GSE1: variants seen among roughly 807,000 people sequenced by gnomAD.
GSE1 encodes the protein genetic suppressor element 1.
In GSE1, 32 loss-of-function variants were observed where a neutral mutation model predicts 112.6. That is an observed-to-expected ratio of 0.28 (90% confidence interval 0.21 to 0.38). GSE1 has a LOEUF of 0.38. Ranked by LOEUF, GSE1 falls within the 10% of genes least tolerant of loss-of-function variation. The pLI, the probability that GSE1 is intolerant of heterozygous loss-of-function variation, is 1.00. For missense variants in GSE1, 2,348 were observed against 1,699.2 expected, an observed-to-expected ratio of 1.38 and a Z score of -6.71; for synonymous variants, 1,115 against 735.6, an observed-to-expected ratio of 1.52 and a Z score of -8.35.
chr16:85,663,439 A>T lies in GSE1; in HGVS notation c.2469A>T (p.Arg823=). 1.2e-6 allele frequency: 2 copies of T among 1,613,910 alleles called. No homozygotes were observed. Among genetic ancestry groups the T allele is most frequent in the South Asian group, 1.1e-5 (1 of 91,078 alleles). Residue 823 remains arginine (R), a synonymous_variant, in exon 11 of 16, where the codon CGA becomes CGT. Transcript: ENST00000253458. The stretch of plus-strand genomic sequence containing the variant: ...GGAGGAAGCGGCGGAGGATGCTGCG[A>T]GAGAGAAGCCCGTCGCCCCCAACAA... ...QKRRKRRRML[R]ERSPSPPTIQ... is the part of the protein sequence containing the mutation.
chr16:85,548,804 T>C (rs931150281), intron 2 of GSE1, among the ~76,000 whole-genome samples: 1 of 152,114 alleles, frequency 6.6e-6, no homozygotes, highest in Non-Finnish European at 1.5e-5. Flanking sequence ...ATTCTTTTTT[T>C]GTTGGAGACG....
chr16:85,672,122 C>A (rs550161320), intron 15 of GSE1: 21 of 346,482 alleles, frequency 6.1e-5, no homozygotes, highest in Non-Finnish European at 9.1e-5. Flanking sequence ...CCTCAGCCTC[C>A]CGAGTAGCTA....
chr16:85,491,137 G>A lies in GSE1; in HGVS notation c.2464+133494G>A, dbSNP rs72799002. ...GCAGGGGGCGGCACCAGAGCAGATG[G>A]AAAGAGCTTTTGAGCCTTCTCAGCT... On this transcript the variant is annotated intron_variant, in intron 2 of 2. Transcript: ENST00000637419. Among the ~76,000 whole-genome samples the A allele has an allele frequency of 8.3e-3, 1,270 of 152,316 alleles. 10 individuals are homozygous for A. Among genetic ancestry groups the A allele is most frequent in the Non-Finnish European group, 0.012 (845 of 68,012 alleles).
At chr16:85,626,240 GA>G (rs1205225641) in intron 1 of GSE1, among the ~76,000 whole-genome samples, 1 of 152,128 alleles carries the variant, frequency 6.6e-6, no homozygotes, top group African/African-American at 2.4e-5. Context: ...CCACCCCCAA[GA>G]AAAATTGCTT....
intron 1 of GSE1, among the ~76,000 whole-genome samples, chr16:85,297,115 C>A (rs1393666423): frequency 1.3e-5 from 2 of 152,240 alleles, no homozygotes; most frequent in African/African-American, 4.8e-5. Context: ...GCCAGTGAAT[C>A]CTGCTGCCCG....
rs2052727264 is a variant in GSE1 at position 85,665,063 on chromosome 16, T to C, written c.2693T>C (p.Leu898Pro). The C allele has an allele frequency of 3.7e-6, 6 of 1,613,078 alleles. No homozygotes were observed. The highest frequency in any genetic ancestry group is 3.4e-6 in the Non-Finnish European group (4 of 1,179,342). ...EMLRAMKQKA[L>P]SAAVADSLTN... is the part of the protein sequence containing the mutation. ...CTCCGTGCCATGAAGCAGAAGGCAC[T>C]GTCAGCAGCAGTGGCCGACTCCTTG... The change falls in exon 12 of 16, where the codon CTG (leucine) becomes CCG (proline). Residue 898 changes from leucine to proline, a missense_variant. Coordinates refer to ENST00000253458, the MANE Select transcript of GSE1 (RefSeq NM_014615.5).
chr16:85,457,691 T>C (rs980783289), intron 2 of GSE1, among the ~76,000 whole-genome samples: 1 of 152,152 alleles, frequency 6.6e-6, no homozygotes, highest in Non-Finnish European at 1.5e-5. Context: ...TGGGGGTGAT[T>C]GCACCCCCAC....
chr16:85,467,208 C>T (rs899813198), intron 2 of GSE1, among the ~76,000 whole-genome samples: 1 of 152,072 alleles, frequency 6.6e-6, no homozygotes, highest in Non-Finnish European at 1.5e-5. Flanking sequence ...CCATAAGGAG[C>T]GAGGGGCCGG....
At chr16:85,341,932 T>C (rs1446050169) in intron 1 of GSE1, among the ~76,000 whole-genome samples, 1 of 152,062 alleles carries the variant, frequency 6.6e-6, no homozygotes, top group East Asian at 1.9e-4. Context: ...CCCTGGGCCT[T>C]TGGGGATGCT....
intron 2 of GSE1, among the ~76,000 whole-genome samples, chr16:85,385,200 G>T (rs1196843224): frequency 6.6e-6 from 1 of 152,232 alleles, no homozygotes; most frequent in Non-Finnish European, 1.5e-5. Flanking sequence ...GGTGTTTTGG[G>T]GTGGGTGCCT....
At position 85,525,640 on chromosome 16, in the gene GSE1, C is replaced by T. The variant is rs558830566; in HGVS notation, c.2465-108274C>T. On this transcript the variant is annotated intron_variant, in intron 2 of 2. Transcript: ENST00000637419. ...ACAGAGCCCAGACTACAGAGTTACC[C>T]GCCTTTAGGGGGCTCCATTTGTCCC... is the stretch of plus-strand genomic sequence containing the variant. Among the ~76,000 whole-genome samples the T allele has an allele frequency of 9.2e-5, 14 of 152,334 alleles. 1 individual carries two copies. In the South Asian group the frequency reaches 1.2e-3, roughly 14 times the overall value.
At chr16:85,543,363 T>C (rs1340625664) in intron 2 of GSE1, among the ~76,000 whole-genome samples, 1 of 152,194 alleles carries the variant, frequency 6.6e-6, no homozygotes, top group Admixed American at 6.5e-5. Context: ...GTGTGAATGA[T>C]TAATAGTAGA....
intron 1 of GSE1, among the ~76,000 whole-genome samples, chr16:85,331,255 C>T (rs1011092766): frequency 8.0e-5 from 12 of 149,710 alleles, no homozygotes; most frequent in Non-Finnish European, 3.0e-5. Flanking sequence ...CGAGTTCAAG[C>T]GATTCTCCTG....
At chr16:85,172,409 C>T (rs1176311408) in intron 1 of GSE1, among the ~76,000 whole-genome samples, 1 of 152,232 alleles carries the variant, frequency 6.6e-6, no homozygotes, top group Non-Finnish European at 1.5e-5. Flanking sequence ...TTTCCCCCAG[C>T]GGGAAGAGAG....
At chr16:85,179,671 C>T (rs1350428882) in intron 1 of GSE1, among the ~76,000 whole-genome samples, 1 of 152,220 alleles carries the variant, frequency 6.6e-6, no homozygotes, top group Non-Finnish European at 1.5e-5. Context: ...CTTCTGCCTG[C>T]AGTCCATCCT....
chr16:85,197,424 C>T (rs1327722398), intron 1 of GSE1, among the ~76,000 whole-genome samples: 1 of 152,206 alleles, frequency 6.6e-6, no homozygotes, highest in African/African-American at 2.4e-5. Context: ...TGGTTTTTTG[C>T]TTACAGCGTC....
At chr16:85,209,374 G>A (rs2075183344) in intron 1 of GSE1, among the ~76,000 whole-genome samples, 1 of 152,164 alleles carries the variant, frequency 6.6e-6, no homozygotes, top group Non-Finnish European at 1.5e-5. Context: ...CTGGCTGTCA[G>A]TGCCTGGCTC....
At position 85,663,414 on chromosome 16, in the gene GSE1, G is replaced by C; in HGVS notation, c.2444G>C (p.Arg815Pro). 1 of 1,613,910 alleles carries C rather than the reference G, an allele frequency of 6.2e-7. No homozygotes were observed. Among genetic ancestry groups the C allele is most frequent in the Non-Finnish European group, 8.5e-7 (1 of 1,180,034 alleles). The change falls in exon 11 of 16, where the codon CGG becomes CCG. Residue 815 changes from arginine (R) to proline (P), a missense_variant. Physicochemically the swap from Arg to Pro is moderately radical, Grantham distance 103. Coordinates refer to ENST00000253458, the MANE Select transcript of GSE1 (RefSeq NM_014615.5). ...AAGGAGGAATTGGTGGCCCAGAAGCGGAGGAAGCGGCGGAGGATGCTGCGA... is the reference window on the plus strand; with the variant it reads ...AAGGAGGAATTGGTGGCCCAGAAGCCGAGGAAGCGGCGGAGGATGCTGCGA... ...QQKEELVAQK[R>P]RKRRRMLRER...
intron 1 of GSE1, among the ~76,000 whole-genome samples, chr16:85,307,687 G>A (rs903684675): frequency 7.2e-5 from 11 of 152,156 alleles, no homozygotes; most frequent in South Asian, 2.1e-4. Flanking sequence ...ACGTGGGCAC[G>A]GCTGACACCA....
Sources: gnomAD v4.1 joint callset for allele counts (sites outside exome capture counted in the v4.1 genomes callset) on GRCh38, gnomAD v4.1.1 for gene constraint, MANE v1.5 for transcripts, NCBI Gene and HGNC (gene_info 2026-07-23, HGNC 2026-07-21) for gene names.